The following KCNMB2 variants were observed in gnomAD, a reference collection of about 807,000 sequenced individuals.
KCNMB2 encodes the protein calcium-activated potassium channel subunit beta-2.
A neutral mutation model predicts 24.5 loss-of-function variants in KCNMB2; 9 were observed. The ratio of observed to expected loss-of-function variants is 0.37; its 90% CI spans 0.22 to 0.64. The LOEUF (loss-of-function observed/expected upper bound fraction) is 0.64, where lower values mean the gene tolerates loss of function less well. Among genes scored for constraint, KCNMB2 ranks in the 30% least tolerant of loss-of-function variants. KCNMB2 has a pLI of 0.63. For synonymous variants in KCNMB2, 109 were observed against 104.4 expected (o/e 1.04, Z -0.27); for missense variants, 226 against 284.3 (o/e 0.79, Z 1.47).
chr3:178,805,686 G>A (rs926330485), intron 1 of KCNMB2, among the ~76,000 whole-genome samples: 5 of 151,948 alleles, frequency 3.3e-5, no homozygotes, highest in Non-Finnish European at 7.4e-5. Context: ...GAGTGGTGCA[G>A]TGACACAACC....
At chr3:178,572,655 C>T (rs1439500992) in intron 1 of KCNMB2, among the ~76,000 whole-genome samples, 1 of 152,104 alleles carries the variant, frequency 6.6e-6, no homozygotes, top group Non-Finnish European at 1.5e-5. Flanking sequence ...AAAAATAAAA[C>T]AGCAAGATAA....
chr3:178,682,706 A>AT (rs35736623), intron 1 of KCNMB2, among the ~76,000 whole-genome samples: 2,425 of 152,226 alleles, frequency 0.016, 68 homozygotes, highest in African/African-American at 0.056. Flanking sequence ...TGGGCAAAAG[A>AT]TAAGAACAGA....
intron 1 of KCNMB2, among the ~76,000 whole-genome samples, chr3:178,787,818 T>C (rs954035194): frequency 6.6e-6 from 1 of 152,066 alleles, no homozygotes; most frequent in Non-Finnish European, 1.5e-5. Context: ...TTTGAAAAAA[T>C]TCAAAACCAA....
intron 1 of KCNMB2, among the ~76,000 whole-genome samples, chr3:178,706,425 T>C (rs61796868): frequency 0.082 from 12,426 of 152,152 alleles, 537 homozygotes; most frequent in Middle Eastern, 0.13. Flanking sequence ...ATCTAGTCTT[T>C]GTTTGTGTAG....
At chr3:178,757,992 T>G (rs1724219948) in intron 1 of KCNMB2, among the ~76,000 whole-genome samples, 4 of 3,166 alleles carry the variant, frequency 1.3e-3, no homozygotes, top group African/African-American at 4.8e-3. Context: ...AGGATATATA[T>G]ATATATCTAG....
intron 1 of KCNMB2, among the ~76,000 whole-genome samples, chr3:178,630,896 T>C (rs1719296389): frequency 6.6e-6 from 1 of 152,202 alleles, no homozygotes. Flanking sequence ...GAAAATGTTA[T>C]CCAAGCCTAA....
intron 1 of KCNMB2, among the ~76,000 whole-genome samples, chr3:178,635,128 G>A (rs1271039401): frequency 1.3e-5 from 2 of 152,118 alleles, no homozygotes; most frequent in Non-Finnish European, 2.9e-5. Context: ...TGGAAGGGCT[G>A]GAGAGGAAAC....
intron 1 of KCNMB2, among the ~76,000 whole-genome samples, chr3:178,625,559 T>C (rs984358558): frequency 2.0e-5 from 3 of 152,176 alleles, no homozygotes; most frequent in Non-Finnish European, 1.5e-5. Context: ...TAGCAAAGTC[T>C]ATCAGGAAGA....
chr3:178,584,705 AC>A (rs1406794262), intron 1 of KCNMB2, among the ~76,000 whole-genome samples: 6 of 128,868 alleles, frequency 4.7e-5, no homozygotes, highest in African/African-American at 1.6e-4. Context: ...GAATAAAGAA[AC>A]CAAAAAAAAA....
intron 1 of KCNMB2, among the ~76,000 whole-genome samples, chr3:178,591,642 T>G (rs1196003854): frequency 6.6e-6 from 1 of 152,104 alleles, no homozygotes; most frequent in Non-Finnish European, 1.5e-5. Flanking sequence ...ATGGTGTGTT[T>G]TTATAATCTG....
At chr3:178,606,721 C>T (rs1425233074) in intron 1 of KCNMB2, among the ~76,000 whole-genome samples, 3 of 152,014 alleles carry the variant, frequency 2.0e-5, no homozygotes, top group African/African-American at 7.3e-5. Context: ...TTTGCATCCC[C>T]CCCACCAAAT....
At chr3:178,555,705 G>C (rs1044471605) in intron 1 of KCNMB2, among the ~76,000 whole-genome samples, 1 of 152,212 alleles carries the variant, frequency 6.6e-6, no homozygotes, top group African/African-American at 2.4e-5. Context: ...TACTCAGATA[G>C]ATTGTAAGTC....
chr3:178,546,285 T>G (rs1317003578), intron 1 of KCNMB2, among the ~76,000 whole-genome samples: 1 of 152,196 alleles, frequency 6.6e-6, no homozygotes, highest in Non-Finnish European at 1.5e-5. Flanking sequence ...ATTTAGTGTT[T>G]GCTGAACTGA....
chr3:178,759,497 G>T (rs1374253884), intron 1 of KCNMB2, among the ~76,000 whole-genome samples: 1 of 83,298 alleles, frequency 1.2e-5, no homozygotes, highest in Non-Finnish European at 2.3e-5. Context: ...ATCTCCAAGA[G>T]GATATATATA....
chr3:178,638,970 G>C (rs1719627116), intron 1 of KCNMB2, among the ~76,000 whole-genome samples: 2 of 152,042 alleles, frequency 1.3e-5, no homozygotes, highest in African/African-American at 4.8e-5. Context: ...ACTTAAGGTA[G>C]GTTTCTACAT....
intron 1 of KCNMB2, among the ~76,000 whole-genome samples, chr3:178,575,702 C>T (rs1716964208): frequency 1.3e-5 from 2 of 152,172 alleles, no homozygotes; most frequent in African/African-American, 4.8e-5. Context: ...GGTAGGCATC[C>T]ACCAATCTCA....
At chr3:178,790,197 C>A (rs181285044) in intron 1 of KCNMB2, among the ~76,000 whole-genome samples, 5 of 151,984 alleles carry the variant, frequency 3.3e-5, no homozygotes, top group Admixed American at 3.3e-4. Context: ...AGAAACTAGT[C>A]CAGGTAGGAT....
chr3:178,542,758 C>A (rs964802782), intron 1 of KCNMB2, among the ~76,000 whole-genome samples: 2 of 152,166 alleles, frequency 1.3e-5, no homozygotes, highest in African/African-American at 4.8e-5. Flanking sequence ...AGGAAACAAT[C>A]TGAATTAATG....
At chr3:178,754,177 TACACACACACACAC>T (rs1282906632) in intron 1 of KCNMB2, among the ~76,000 whole-genome samples, 20 of 117,200 alleles carry the variant, frequency 1.7e-4, no homozygotes, top group African/African-American at 6.7e-4. Context: ...TATATATATA[TACACACACACACAC>T]ATACATATAT....
Sources: allele counts gnomAD v4.1 joint callset (sites outside exome capture counted in the v4.1 genomes callset), GRCh38; gene constraint gnomAD v4.1.1; transcripts MANE v1.5; gene names NCBI Gene and HGNC (gene_info 2026-07-23, HGNC 2026-07-21).